TEP1: variants seen among roughly 807,000 people sequenced by gnomAD.
The protein encoded by TEP1 is telomerase associated protein 1.
TEP1 carries 241 observed loss-of-function variants against 306.3 expected under a neutral mutation model. That is an observed-to-expected ratio of 0.79 (90% CI 0.71 to 0.88). The LOEUF is 0.88. Ranked by LOEUF, TEP1 falls within the 40% of genes least tolerant of loss-of-function variation. The pLI is 0.00. For missense variants in TEP1, 3,051 were observed against 3,276.1 expected, an observed-to-expected ratio of 0.93 and a Z score of 1.68; for synonymous variants, 1,289 against 1,305.5, an observed-to-expected ratio of 0.99 and a Z score of 0.27.
intron 24 of TEP1, 26 bp from the exon 25 acceptor site, chr14:20,383,944 T>A: frequency 6.3e-7 from 1 of 1,593,100 alleles, no homozygotes; most frequent in East Asian, 2.2e-5. Flanking sequence ...ACAGAAAACA[T>A]GGTCACATTT....
Position 20,377,703 on chromosome 14 carries a change from G to C in TEP1, c.5772C>G (p.Ser1924=). 1 of 1,614,014 alleles carries C rather than the reference G, an allele frequency of 6.2e-7. No individual in the cohort carries two copies. The highest frequency in any genetic ancestry group is 1.1e-5 in the South Asian group (1 of 91,068). ...CAGAGAGGGCAGGAGAGAGAGAAAG[G>C]GAACCCAGGTGCCCACGGGGCCGAC... ...SLGRPRGHLG[S]LSLSPALSVA... Residue 1924 remains serine, a synonymous_variant, in exon 40 of 55, where the codon TCC becomes TCG. Coordinates refer to ENST00000262715, the MANE Select transcript of TEP1 (RefSeq NM_007110.5).
chr14:20,410,020 C>CAAAAAAAAAAAAAAAAAAAAAAAAAAAA (rs570672845), intron 1 of TEP1, among the ~76,000 whole-genome samples: 3 of 58,922 alleles, frequency 5.1e-5, no homozygotes, highest in African/African-American at 1.3e-4. Context: ...GACTCTGTCT[C>CAAAAAAAAAAAAAAAAAAAAAAAAAAAA]AAAAAAAAAA....
At chr14:20,406,104 T>A in intron 3 of TEP1, 129 bp downstream of exon 3, 2 of 698,766 alleles carry the variant, frequency 2.9e-6, no homozygotes, top group Non-Finnish European at 4.5e-6. Flanking sequence ...GATTAGGAAG[T>A]GAGAAATAAG....
In TEP1 at chr14:20,403,798, G is replaced by A. The variant is rs202055706; in HGVS notation, c.1119C>T (p.Asp373=). 1.6e-5 allele frequency: 26 copies of A among 1,614,036 alleles called. No homozygotes were observed. Among genetic ancestry groups the A allele is most frequent in the South Asian group, 8.8e-5 (8 of 91,076 alleles). ...GGTTGTACTTAGCCAGCTGGTACTC[G>A]TCAAACTGGGCAAATTTGTCCGTCA... ...TAMTDKFAQF[D]EYQLAKYNPR... The change falls in exon 6 of 55, where the codon GAC becomes GAT. Residue 373 remains aspartate, a synonymous_variant. Transcript: ENST00000262715.
rs546547452 is a variant in TEP1 at position 20,402,694 on chromosome 14, G to A, written c.1266+683C>T. On this transcript the variant is annotated intron_variant, in intron 7 of 54. Coordinates refer to ENST00000262715, the MANE Select transcript of TEP1 (RefSeq NM_007110.5). Reference sequence around the variant, plus strand: ...AGGGGTGGATGGAAGATTCAAAGCCGGGTGACGTGAATCCAGATTCTATGC... The same window carrying A: ...AGGGGTGGATGGAAGATTCAAAGCCAGGTGACGTGAATCCAGATTCTATGC... Among the ~76,000 whole-genome samples, 9 of 152,274 alleles carry A rather than the reference G, an allele frequency of 5.9e-5. No individual in the cohort carries two copies. In the South Asian group the frequency reaches 1.2e-3, roughly 21 times the overall value.
At position 20,374,550 on chromosome 14, in the gene TEP1, A is replaced by G. The variant is rs1431711041; in HGVS notation, c.6364-14T>C. 6.3e-7 allele frequency: 1 copy of G among 1,585,466 alleles called. No individual in the cohort carries two copies. Among genetic ancestry groups the G allele is most frequent in the African/African-American group, 1.3e-5 (1 of 74,258 alleles). Reference sequence around the variant, plus strand: ...GGAGCAGGATATCTACAGAGTCAGAAGTCAGAGGAGTGGGATTATCAGCAT... The same window carrying G: ...GGAGCAGGATATCTACAGAGTCAGAGGTCAGAGGAGTGGGATTATCAGCAT... On this transcript the variant is annotated splice_polypyrimidine_tract_variant and intron_variant, in intron 43 of 54. Coordinates refer to ENST00000262715, the MANE Select transcript of TEP1 (RefSeq NM_007110.5).
chr14:20,377,548 G>T (rs1283793441), intron 40 of TEP1, 52 bp downstream of exon 40: 1 of 1,613,122 alleles, frequency 6.2e-7, no homozygotes, highest in Non-Finnish European at 8.5e-7. Flanking sequence ...TAGGGGGCAG[G>T]GGCTGCGCTC....
chr14:20,397,509 CA>C (rs1054129795), intron 9 of TEP1, among the ~76,000 whole-genome samples: 5 of 144,874 alleles, frequency 3.5e-5, no homozygotes, highest in African/African-American at 5.1e-5. Context: ...ACTCTGTCTC[CA>C]AAAAAAAAAT....
chr14:20,385,153 T>C, intron 20 of TEP1, 44 bp from the exon 21 acceptor site: 1 of 1,607,898 alleles, frequency 6.2e-7, no homozygotes, highest in Non-Finnish European at 8.5e-7. Context: ...TAGGCCACAA[T>C]GACCCTCCCT....
At position 20,390,727 on chromosome 14, in the gene TEP1, T is replaced by C. The variant is rs1396439817; in HGVS notation, c.2288A>G (p.Asn763Ser). The C allele has an allele frequency of 1.9e-6, 3 of 1,614,208 alleles. No homozygotes were observed. Among genetic ancestry groups the C allele is most frequent in the Non-Finnish European group, 2.5e-6 (3 of 1,180,038 alleles). The part of the protein sequence containing the change: ...EFDENDGWSL[N>S]TFGKYLLSLA... ...AGACAGCAGGTATTTCCCAAAAGTA[T>C]TCAGGGACCATCCATCATTTTCATC... Residue 763 changes from asparagine to serine, a missense_variant, in exon 15 of 55, where the codon AAT becomes AGT. Around this residue, in one of 3 missense-constraint regions of TEP1, gnomAD observed 1,507 missense variants for 1,550.5 expected, o/e 0.97. Transcript: ENST00000262715.
chr14:20,369,628 C>T lies in TEP1; in HGVS notation c.7423+46G>A, dbSNP rs1257429299. 3.1e-6 allele frequency: 5 copies of T among 1,613,192 alleles called. 1 individual carries two copies. Among genetic ancestry groups the T allele is most frequent in the Middle Eastern group, 1.6e-4 (1 of 6,062 alleles). On this transcript the variant is annotated intron_variant, in intron 52 of 54. Coordinates refer to ENST00000262715, the MANE Select transcript of TEP1 (RefSeq NM_007110.5). ...CCAAGTCTCAGGGATCTGCCATCCACCCTGGGCCATCTCCCGGCTCCTCAG... is the reference window on the plus strand; with the variant it reads ...CCAAGTCTCAGGGATCTGCCATCCATCCTGGGCCATCTCCCGGCTCCTCAG...
At chr14:20,411,628 A>AGCG (rs1298470765) in intron 1 of TEP1, among the ~76,000 whole-genome samples, 1 of 152,124 alleles carries the variant, frequency 6.6e-6, no homozygotes, top group Non-Finnish European at 1.5e-5. Context: ...ATTGCTGGTC[A>AGCG]GCGGGATTCA....
intron 51 of TEP1, 86 bp downstream of exon 51, chr14:20,371,132 C>T: frequency 1.7e-6 from 2 of 1,159,206 alleles, no homozygotes; most frequent in South Asian, 2.5e-5. Flanking sequence ...CCTTTCCCTT[C>T]CCTATCCTCC....
Position 20,386,029 on chromosome 14 carries a change from A to T in TEP1, c.2982+46T>A. On this transcript the variant is annotated intron_variant, in intron 20 of 54. Coordinates refer to ENST00000262715, the MANE Select transcript of TEP1 (RefSeq NM_007110.5). ...TGTGGCTTCTCCCAGCCTCTGCCCC[A>T]ATCTTTGCTTCCTCCCCAGCCCTCC... is the stretch of plus-strand genomic sequence containing the variant. 4 of 1,545,952 alleles carry T rather than the reference A, an allele frequency of 2.6e-6. No individual in the cohort carries two copies. The South Asian group carries it at 3.8e-5, about 15-fold the overall frequency.
Position 20,369,360 on chromosome 14 carries a change from GTCTT to G in TEP1, c.7636_7639del (p.Lys2546HisfsTer23). The G allele has an allele frequency of 6.2e-7, 1 of 1,614,150 alleles. No individual in the cohort carries two copies. Among genetic ancestry groups the G allele is most frequent in the Non-Finnish European group, 8.5e-7 (1 of 1,180,040 alleles). On this transcript the variant is annotated frameshift_variant, in exon 53 of 55. Coordinates refer to ENST00000262715, the MANE Select transcript of TEP1 (RefSeq NM_007110.5). LOFTEE classifies it high-confidence loss of function. ...CAAACTCACCTTTCTACGCTGCCGT[GTCTT>G]TAGATGTGGTGTTGGCTCACTATCC...
At chr14:20,370,600 C>T (rs1305714899) in intron 51 of TEP1, among the ~76,000 whole-genome samples, 1 of 152,158 alleles carries the variant, frequency 6.6e-6, no homozygotes. Context: ...TATCCCCTTT[C>T]TATTTATTAA....
rs754552198 is a variant in TEP1, at chr14:20,371,252, A to G, written c.7283T>C (p.Leu2428Pro). The change falls in exon 51 of 55, where the codon CTG becomes CCG. Residue 2428 changes from leucine (L) to proline (P), a missense_variant. Physicochemically the swap from Leu to Pro is moderately conservative, Grantham distance 98. This residue lies in a region of TEP1 where 1,540 missense variants were observed against 1,705.9 expected (regional missense o/e 0.90). Coordinates refer to ENST00000262715, the MANE Select transcript of TEP1 (RefSeq NM_007110.5). ...AAGAACTCCAGGATCCTTGGGCTGC[A>G]GGACAAATATGCCATACTCCTTGTG... Reference protein sequence around the residue: ...STHKEYGIFVLQPKDPGVLSF... With the variant: ...STHKEYGIFVPQPKDPGVLSF... The G allele has an allele frequency of 6.2e-7, 1 of 1,614,228 alleles. No individual in the cohort carries two copies. The highest frequency in any genetic ancestry group is 1.7e-5 in the Admixed American group (1 of 60,018).
At position 20,376,121 on chromosome 14, in the gene TEP1, T is replaced by G; in HGVS notation, c.6232A>C (p.Thr2078Pro). ...SFSTDGGSLA[T>P]GGRDRSLLCW... ...CAGCTCACCCGATCCCGGCCCCCGG[T>G]GGCCAGGCTGCCTCCATCAGTGCTG... The change falls in exon 42 of 55, where the codon ACC becomes CCC. Residue 2078 changes from threonine to proline, a missense_variant. Physicochemically the swap from Thr to Pro is conservative, Grantham distance 38 (BLOSUM62 -1). This residue lies in a region of TEP1 where 1,540 missense variants were observed against 1,705.9 expected (regional missense o/e 0.90). Coordinates refer to ENST00000262715, the MANE Select transcript of TEP1 (RefSeq NM_007110.5). 1 of 1,614,042 alleles carries G rather than the reference T, an allele frequency of 6.2e-7. No homozygotes were observed. Among genetic ancestry groups the G allele is most frequent in the Non-Finnish European group, 8.5e-7 (1 of 1,180,002 alleles).
chr14:20,392,083 T>C (rs939441018), intron 12 of TEP1, among the ~76,000 whole-genome samples: 1 of 152,224 alleles, frequency 6.6e-6, no homozygotes, highest in African/African-American at 2.4e-5. Flanking sequence ...TAGTTTTAAA[T>C]TGTATTTTAA....
Sources: allele counts gnomAD v4.1 joint callset (sites outside exome capture counted in the v4.1 genomes callset), GRCh38; gene constraint gnomAD v4.1.1; regional missense constraint gnomAD v4.1.1; transcripts MANE v1.5; gene names NCBI Gene and HGNC (gene_info 2026-07-23, HGNC 2026-07-21).